The following ANO2 variants were observed in gnomAD, a reference collection of about 807,000 sequenced individuals.
The protein encoded by ANO2 is anoctamin-2.
Under a neutral mutation model 124.2 loss-of-function variants are expected in ANO2, and 101 were observed. The ratio of observed to expected loss-of-function variants is 0.81; its 90% confidence interval spans 0.69 to 0.96. ANO2 has a LOEUF of 0.96. ANO2 is among the 40% of genes least tolerant of loss of function. The pLI is 0.00. For missense variants in ANO2, 1,293 were observed against 1,274.5 expected (o/e 1.01, Z -0.22); for synonymous variants, 486 against 482.5 (o/e 1.01, Z -0.09).
chr12:5,663,365 C>T (rs1947539856), intron 14 of ANO2, among the ~76,000 whole-genome samples: 1 of 152,240 alleles, frequency 6.6e-6, no homozygotes, highest in Admixed American at 6.5e-5. Context: ...GGAATGGTTA[C>T]ACTGTGGGTG....
chr12:5,795,828 T>G (rs1952828368), intron 10 of ANO2, among the ~76,000 whole-genome samples: 1 of 151,992 alleles, frequency 6.6e-6, no homozygotes, highest in African/African-American at 2.4e-5. Flanking sequence ...AGTCCCCAAG[T>G]TTTCCCAGAA....
intron 1 of ANO2, among the ~76,000 whole-genome samples, chr12:5,924,468 A>C (rs1941983095): frequency 6.6e-6 from 1 of 152,170 alleles, no homozygotes; most frequent in South Asian, 2.1e-4. Context: ...GTAGCTTCTG[A>C]AAGGCCAGGA....
intron 3 of ANO2, among the ~76,000 whole-genome samples, chr12:5,913,920 G>A (rs1941211919): frequency 6.6e-6 from 1 of 152,240 alleles, no homozygotes; most frequent in South Asian, 2.1e-4. Flanking sequence ...GACAGAGCCT[G>A]AGAAACAGTG....
chr12:5,932,741 C>G (rs1942469848), intron 1 of ANO2, among the ~76,000 whole-genome samples: 1 of 152,100 alleles, frequency 6.6e-6, no homozygotes, highest in African/African-American at 2.4e-5. Context: ...GGAAAGTAGA[C>G]TAGTGAGGAA....
At chr12:5,791,614 G>A (rs956645231) in intron 10 of ANO2, among the ~76,000 whole-genome samples, 8 of 152,160 alleles carry the variant, frequency 5.3e-5, no homozygotes, top group African/African-American at 1.9e-4. Flanking sequence ...AAAAATAAAA[G>A]TTTCTAGAGT....
chr12:5,897,590 A>G lies in ANO2; in HGVS notation c.534+23450T>C, dbSNP rs75524108. 1.2e-4 allele frequency among the ~76,000 whole-genome samples: 19 copies of G among 152,344 alleles called. 1 individual carries two copies. The East Asian group carries it at 3.7e-3, about 29-fold the overall frequency. On this transcript the variant is annotated intron_variant, in intron 3 of 24. Transcript: ENST00000682330. ...AAAATAAAGTCCAGAAGCAGATCCC[A>G]TACAAAGACAAAGTCTTGATTCCTG...
At chr12:5,739,217 G>T in intron 13 of ANO2, 100 bp downstream of exon 13, 1 of 1,148,314 alleles carries the variant, frequency 8.7e-7, no homozygotes, top group Non-Finnish European at 1.3e-6. Flanking sequence ...GCCAGTGACA[G>T]CAAACATACA....
At chr12:5,884,226 C>G (rs1219134283) in intron 3 of ANO2, among the ~76,000 whole-genome samples, 1 of 152,196 alleles carries the variant, frequency 6.6e-6, no homozygotes, top group Non-Finnish European at 1.5e-5. Flanking sequence ...CTGCCACCAC[C>G]AGGACATTGC....
chr12:5,787,233 A>C lies in ANO2; in HGVS notation c.1055+12274T>G, dbSNP rs1442677095. On this transcript the variant is annotated intron_variant, in intron 10 of 24. Coordinates refer to ENST00000682330, the MANE Select transcript of ANO2 (RefSeq NM_001364791.2). This position sits in a 1 kb window ranked among gnomAD's most constrained non-coding sequence, Gnocchi z 4.2. The stretch of plus-strand genomic sequence containing the variant: ...AGTGCCCCAGCCAGAAGAACCCCTG[A>C]TCCTTCAACTGATGACAATGGGCCA... 6.6e-6 allele frequency among the ~76,000 whole-genome samples: 1 copy of C among 152,146 alleles called. No homozygotes were observed. Among genetic ancestry groups the C allele is most frequent in the South Asian group, 2.1e-4 (1 of 4,822 alleles).
intron 14 of ANO2, among the ~76,000 whole-genome samples, chr12:5,686,847 G>A (rs368250142): frequency 2.0e-5 from 3 of 152,346 alleles, no homozygotes; most frequent in South Asian, 2.1e-4. Context: ...GAAACACTAT[G>A]AGCCCACCTT....
chr12:5,640,873 G>A (rs113891849), intron 15 of ANO2, among the ~76,000 whole-genome samples: 4,389 of 152,100 alleles, frequency 0.029, 183 homozygotes, highest in African/African-American at 0.094. Flanking sequence ...CCCACTACTG[G>A]GTACATACCC....
intron 7 of ANO2, among the ~76,000 whole-genome samples, chr12:5,812,100 G>C (rs1953407117): frequency 6.7e-6 from 1 of 149,658 alleles, no homozygotes; most frequent in Non-Finnish European, 1.5e-5. Context: ...TGGGAGGGGA[G>C]GGGAGGCGAG....
chr12:5,889,149 G>T (rs117970464), intron 3 of ANO2, among the ~76,000 whole-genome samples: 1 of 152,188 alleles, frequency 6.6e-6, no homozygotes, highest in African/African-American at 2.4e-5. Context: ...CAAGTGCGGG[G>T]CCTGCCAAGC....
chr12:5,686,735 G>A (rs928492233), intron 14 of ANO2, among the ~76,000 whole-genome samples: 3 of 152,230 alleles, frequency 2.0e-5, no homozygotes, highest in African/African-American at 4.8e-5. Flanking sequence ...CTGCGCTGAC[G>A]TTCACAGGCT....
chr12:5,917,073 G>A lies in ANO2; in HGVS notation c.534+3967C>T, dbSNP rs141584554. Among the ~76,000 whole-genome samples, 1,030 of 152,212 alleles carry A rather than the reference G, an allele frequency of 6.8e-3. 24 individuals are homozygous for A. Among genetic ancestry groups the A allele is most frequent in the Admixed American group, 0.047 (719 of 15,290 alleles). On this transcript the variant is annotated intron_variant, in intron 3 of 24. Transcript: ENST00000682330. Reference sequence around the variant, plus strand: ...GAGTGGCCTTGAAGCCATGGGTGGGGGCTGAGAGGGAGGAGTCTGGGTGGT... The same window carrying A: ...GAGTGGCCTTGAAGCCATGGGTGGGAGCTGAGAGGGAGGAGTCTGGGTGGT...
intron 23 of ANO2, among the ~76,000 whole-genome samples, chr12:5,569,726 G>A (rs529345737): frequency 1.4e-4 from 22 of 152,210 alleles, no homozygotes; most frequent in African/African-American, 5.3e-4. Context: ...ATGTGTGTGC[G>A]TGTGTGTCTG....
intron 10 of ANO2, among the ~76,000 whole-genome samples, chr12:5,795,344 T>C (rs1372184393): frequency 1.3e-5 from 2 of 152,214 alleles, no homozygotes; most frequent in East Asian, 3.9e-4. Flanking sequence ...AGCTTCCACA[T>C]GGGTGGGCTT....
intron 11 of ANO2, among the ~76,000 whole-genome samples, chr12:5,745,319 G>T (rs561823141): frequency 2.0e-4 from 30 of 152,280 alleles, no homozygotes; most frequent in African/African-American, 7.0e-4. Context: ...TGGTTCAGGG[G>T]GAAAGGGTGG....
chr12:5,807,457 G>GC (rs982789446), intron 7 of ANO2, 89 bp from the exon 8 acceptor site: 50 of 1,140,332 alleles, frequency 4.4e-5, no homozygotes, highest in South Asian at 5.9e-5. Flanking sequence ...GCTTTCACAT[G>GC]CCCCCCCAGT....
Sources: gnomAD v4.1 joint callset for allele counts (sites outside exome capture counted in the v4.1 genomes callset) on GRCh38, gnomAD v4.1.1 for gene constraint, Gnocchi (gnomAD v3.1) non-coding constraint, MANE v1.5 for transcripts, NCBI Gene and HGNC (gene_info 2026-07-23, HGNC 2026-07-21) for gene names.